Variants in TM9SF4 observed in about 807,000 individuals in gnomAD.
TM9SF4 encodes the protein dinucleotide oxidase disulfide thiol exchanger 3 superfamily member 4.
A neutral mutation model predicts 90.4 loss-of-function variants in TM9SF4; 26 were observed. The observed-to-expected ratio is 0.29, with a 90% CI of 0.21 to 0.40. TM9SF4 has a LOEUF of 0.40. TM9SF4 is among the 10% of genes least tolerant of loss of function. TM9SF4 has a pLI of 1.00. For missense variants in TM9SF4, 549 were observed against 834.8 expected, an observed-to-expected ratio of 0.66 and a Z score of 4.22; for synonymous variants, 293 against 315.4, an observed-to-expected ratio of 0.93 and a Z score of 0.75.
chr20:32,129,158 C>A (rs566152379), intron 1 of TM9SF4, among the ~76,000 whole-genome samples: 3 of 152,136 alleles, frequency 2.0e-5, no homozygotes, highest in Admixed American at 6.5e-5. Context: ...GTTCTAGCTC[C>A]TGCTTTTACT....
intron 17 of TM9SF4, among the ~76,000 whole-genome samples, chr20:32,163,268 A>AAAAAATATAT (rs1555886757): frequency 1.1e-4 from 8 of 74,460 alleles, no homozygotes; most frequent in African/African-American, 4.7e-4. Context: ...AAAAAAAAAA[A>AAAAAATATAT]ATATATATAT....
At chr20:32,133,447 C>T (rs2046549738) in intron 2 of TM9SF4, among the ~76,000 whole-genome samples, 1 of 152,150 alleles carries the variant, frequency 6.6e-6, no homozygotes, top group African/African-American at 2.4e-5. Context: ...ACTCCACCTG[C>T]CTCTTCTTTA....
rs1205843 is a variant in TM9SF4, at chr20:32,155,193, G to T, written c.1329+7G>T. 193,844 of 1,611,466 alleles carry T rather than the reference G, an allele frequency of 0.12. 13,013 individuals carry two copies. The highest frequency in any genetic ancestry group is 0.13 in the Non-Finnish European group (158,410 of 1,177,564). On this transcript the variant is annotated splice_region_variant and intron_variant, in intron 13 of 17. Coordinates refer to ENST00000398022, the MANE Select transcript of TM9SF4 (RefSeq NM_014742.4). ...AAAGCACTCATCAGGAGCGGTAAGT[G>T]CCTCCCCTACCCTTCCAGCCCCTCC...
rs2047095607 is a variant in TM9SF4, at chr20:32,166,142, G to A, written c.*698G>A. 1 of 152,942 alleles carries A rather than the reference G, an allele frequency of 6.5e-6. No homozygotes were observed. The highest frequency in any genetic ancestry group is 2.4e-5 in the African/African-American group (1 of 41,474). The allele number at this position is 152,942 out of a possible 1,614,324, so 9.5% of individuals were successfully genotyped here. A position where few individuals can be genotyped will look rare whatever the true frequency, so the allele number is the denominator to read the frequency against. ...AATCCCCTGGAAGTACTGGGGGCCAGGTTCCCCAGACAGCAGGAATTGCCC... is the reference window on the plus strand; with the variant it reads ...AATCCCCTGGAAGTACTGGGGGCCAAGTTCCCCAGACAGCAGGAATTGCCC... On this transcript the variant is annotated 3_prime_UTR_variant, in exon 18 of 18. Transcript: ENST00000398022.
At chr20:32,128,170 C>T (rs898341292) in intron 1 of TM9SF4, among the ~76,000 whole-genome samples, 2 of 152,116 alleles carry the variant, frequency 1.3e-5, no homozygotes, top group African/African-American at 4.8e-5. Context: ...TATTTTGGGG[C>T]CCCAGGCTCA....
chr20:32,123,038 G>A lies in TM9SF4; in HGVS notation c.16-9975G>A, dbSNP rs890379687. On this transcript the variant is annotated intron_variant, in intron 1 of 17. Coordinates refer to ENST00000398022, the MANE Select transcript of TM9SF4 (RefSeq NM_014742.4). ...ACGAAAACCAGTCAGGCGTGGCGGC[G>A]TGCGCCTGCAATTGCAGGCACTCCG... is the stretch of plus-strand genomic sequence containing the variant. Among the ~76,000 whole-genome samples the A allele has an allele frequency of 4.0e-5, 6 of 150,596 alleles. No individual in the cohort carries two copies. The East Asian group carries it at 6.0e-4, about 15-fold the overall frequency.
At position 32,149,703 on chromosome 20, in the gene TM9SF4, A is replaced by G. The variant is rs1342730106; in HGVS notation, c.1024A>G (p.Met342Val). 1.2e-6 allele frequency: 2 copies of G among 1,614,146 alleles called. No homozygotes were observed. Among genetic ancestry groups the G allele is most frequent in the Non-Finnish European group, 1.7e-6 (2 of 1,180,018 alleles). ...GDVFRPPQYP[M>V]ILSSLLGSGI... Reference sequence around the variant, plus strand: ...CGTCTTCAGGCCCCCCCAGTACCCCATGATCCTCAGCTCCCTGCTGGGCTC... The same window carrying G: ...CGTCTTCAGGCCCCCCCAGTACCCCGTGATCCTCAGCTCCCTGCTGGGCTC... The change falls in exon 10 of 18, where the codon ATG becomes GTG. Residue 342 changes from methionine to valine, a missense_variant. Met to Val is a conservative substitution (Grantham distance 21). Transcript: ENST00000398022.
At chr20:32,117,223 C>CAAAAA (rs34453961) in intron 1 of TM9SF4, among the ~76,000 whole-genome samples, 6 of 68,254 alleles carry the variant, frequency 8.8e-5, no homozygotes, top group Admixed American at 3.6e-4. Flanking sequence ...GACTCTGTCT[C>CAAAAA]AAAAAAAAAA....
intron 12 of TM9SF4, among the ~76,000 whole-genome samples, chr20:32,151,530 C>A (rs888470040): frequency 6.6e-6 from 1 of 152,232 alleles, no homozygotes; most frequent in South Asian, 2.1e-4. Context: ...GCCATTCTCA[C>A]CGCTGTCAAA....
intron 2 of TM9SF4, among the ~76,000 whole-genome samples, chr20:32,134,011 A>T (rs973634621): frequency 6.8e-6 from 1 of 147,136 alleles, no homozygotes; most frequent in African/African-American, 2.5e-5. Context: ...ATGAGGTCTC[A>T]CTATGTTGCA....
intron 3 of TM9SF4, among the ~76,000 whole-genome samples, 153 bp downstream of exon 3, chr20:32,136,326 C>T (rs935596113): frequency 4.6e-5 from 7 of 152,188 alleles, no homozygotes; most frequent in Admixed American, 2.6e-4. Context: ...ATAACAGCCC[C>T]GGGGAGACAG....
chr20:32,160,196 G>A, intron 16 of TM9SF4, 85 bp downstream of exon 16: 1 of 1,579,918 alleles, frequency 6.3e-7, no homozygotes. Context: ...GAGAGGCTGG[G>A]TCTGGGCTCT....
chr20:32,130,500 A>G (rs1019662615), intron 1 of TM9SF4, among the ~76,000 whole-genome samples: 4 of 152,208 alleles, frequency 2.6e-5, no homozygotes, highest in Admixed American at 6.5e-5. Context: ...GTTCTAACCA[A>G]TGACACATGA....
At chr20:32,124,446 A>G (rs563352329) in intron 1 of TM9SF4, among the ~76,000 whole-genome samples, 1 of 152,284 alleles carries the variant, frequency 6.6e-6, no homozygotes, top group South Asian at 2.1e-4. Flanking sequence ...CAGCCTGGTG[A>G]TAGACCTCTG....
chr20:32,137,123 G>A (rs1159127467), intron 3 of TM9SF4: 1 of 445,298 alleles, frequency 2.2e-6, no homozygotes, highest in African/African-American at 2.0e-5. Flanking sequence ...ACAGAGATTG[G>A]CCTCAGAGCC....
chr20:32,135,938 C>T (rs946920904), intron 2 of TM9SF4, 136 bp from the exon 3 acceptor site: 1 of 631,546 alleles, frequency 1.6e-6, no homozygotes, highest in Non-Finnish European at 2.8e-6. Context: ...GAATTGTGGG[C>T]AGTACATTAT....
rs2046677621 is a variant in TM9SF4 at position 32,141,485 on chromosome 20, C to G, written c.230-12C>G. ...CTGAAGCTCTGAGCTTGATCTGTCT[C>G]TCTTACGGCAGGAGAGGTGCTGAGA... On this transcript the variant is annotated splice_polypyrimidine_tract_variant and intron_variant, in intron 3 of 17. Transcript: ENST00000398022. The G allele has an allele frequency of 1.9e-6, 3 of 1,613,460 alleles. No homozygotes were observed. Among genetic ancestry groups the G allele is most frequent in the Admixed American group, 1.7e-5 (1 of 59,984 alleles).
At chr20:32,163,274 T>A (rs1447264807) in intron 17 of TM9SF4, among the ~76,000 whole-genome samples, 30 of 46,754 alleles carry the variant, frequency 6.4e-4, no homozygotes, top group African/African-American at 1.3e-3. Flanking sequence ...AAAAAATATA[T>A]ATATATATAT....
Position 32,166,004 on chromosome 20 carries a change from T to A in TM9SF4, c.*560T>A, listed in dbSNP as rs1217680236. On this transcript the variant is annotated 3_prime_UTR_variant, in exon 18 of 18. Coordinates refer to ENST00000398022, the MANE Select transcript of TM9SF4 (RefSeq NM_014742.4). Reference sequence around the variant, plus strand: ...TGCCAGCCAGCCTCTGCCAGACCTCTCTTTCCCTCTTCTCCCCAGCCTCCT... The same window carrying A: ...TGCCAGCCAGCCTCTGCCAGACCTCACTTTCCCTCTTCTCCCCAGCCTCCT... 1 of 154,066 alleles carries A rather than the reference T, an allele frequency of 6.5e-6. No homozygotes were observed. Among genetic ancestry groups the A allele is most frequent in the Non-Finnish European group, 1.4e-5 (1 of 69,206 alleles). The allele number at this position is 154,066 out of a possible 1,614,324, so 9.5% of individuals were successfully genotyped here.
Sources: allele counts gnomAD v4.1 joint callset (sites outside exome capture counted in the v4.1 genomes callset), GRCh38; gene constraint gnomAD v4.1.1; transcripts MANE v1.5; gene names NCBI Gene and HGNC (gene_info 2026-07-23, HGNC 2026-07-21).